UBE4B: variants seen among roughly 807,000 people sequenced by gnomAD.
UBE4B encodes the protein ubiquitin conjugation factor E4 B.
A neutral mutation model predicts 148.1 loss-of-function variants in UBE4B; 27 were observed. The observed-to-expected ratio is 0.18, with a 90% confidence interval of 0.13 to 0.25. The LOEUF (loss-of-function observed/expected upper bound fraction) is 0.25, where lower values mean the gene tolerates loss of function less well. Ranked by LOEUF, UBE4B falls within the 10% of genes least tolerant of loss-of-function variation. The probability of loss-of-function intolerance (pLI) is 1.00; values close to 1 mark genes in which losing one functional copy is unlikely to be tolerated. For missense variants in UBE4B, 1,170 were observed against 1,662.4 expected, an observed-to-expected ratio of 0.70 and a Z score of 5.15; for synonymous variants, 596 against 619.3, an observed-to-expected ratio of 0.96 and a Z score of 0.56.
At chr1:10,104,431 G>C (rs1024007621) in intron 5 of UBE4B, among the ~76,000 whole-genome samples, 2 of 152,002 alleles carry the variant, frequency 1.3e-5, no homozygotes, top group Admixed American at 1.3e-4. Flanking sequence ...ATTTTTGTCT[G>C]TTTTACTCAT....
chr1:10,041,523 T>TG (rs1302917525), intron 1 of UBE4B, among the ~76,000 whole-genome samples: 1 of 151,502 alleles, frequency 6.6e-6, no homozygotes, highest in Non-Finnish European at 1.5e-5. Flanking sequence ...TTAGTAGAGA[T>TG]GGGGTTTCTC....
chr1:10,168,334 A>C lies in UBE4B; in HGVS notation c.3333+64A>C. 6.4e-7 allele frequency: 1 copy of C among 1,573,432 alleles called. No individual in the cohort carries two copies. The highest frequency in any genetic ancestry group is 8.6e-7 in the Non-Finnish European group (1 of 1,159,386). On this transcript the variant is annotated intron_variant, in intron 24 of 27. Coordinates refer to ENST00000343090, the MANE Select transcript of UBE4B (RefSeq NM_001105562.3). This position sits in a 1 kb window ranked among gnomAD's most constrained non-coding sequence, Gnocchi z 4.9. ...TCCACATTCAGACTCTCTCACTTAT[A>C]ACTTTAGCAGTTGTTGAAGTTCTGG... is the stretch of plus-strand genomic sequence containing the variant.
chr1:10,178,284 A>T (rs547314305), intron 25 of UBE4B, among the ~76,000 whole-genome samples: 2 of 152,122 alleles, frequency 1.3e-5, no homozygotes, highest in South Asian at 4.1e-4. Context: ...ACTGAAATAG[A>T]CTAGATTTCC....
intron 8 of UBE4B, 58 bp from the exon 9 acceptor site, chr1:10,119,455 C>A: frequency 1.2e-5 from 18 of 1,552,344 alleles, no homozygotes; most frequent in Non-Finnish European, 1.6e-5. Context: ...TTATTTTTAA[C>A]AGCATGGAAT....
rs1336664680 is a variant in UBE4B, at chr1:10,149,259, A to C, written c.2667A>C (p.Ala889=). ...ALPEFYVEDV[A]EFLFFIVQYS... ...CTGAGTTTTATGTAGAAGATGTTGC[A>C]GAATTTTTATTTTTTATTGTACAGT... The change falls in exon 20 of 28, where the codon GCA becomes GCC. Residue 889 remains alanine (A), a synonymous_variant. Transcript: ENST00000343090. 6.2e-7 allele frequency: 1 copy of C among 1,608,764 alleles called. No individual in the cohort carries two copies. The highest frequency in any genetic ancestry group is 1.7e-5 in the Admixed American group (1 of 58,696).
intron 4 of UBE4B, among the ~76,000 whole-genome samples, chr1:10,101,657 C>T (rs543829870): frequency 1.1e-3 from 166 of 151,850 alleles, no homozygotes; most frequent in Admixed American, 1.8e-3. Flanking sequence ...TACAGGCGCC[C>T]GCCACCACGC....
At chr1:10,051,213 G>A (rs1644037318) in intron 1 of UBE4B, among the ~76,000 whole-genome samples, 1 of 152,070 alleles carries the variant, frequency 6.6e-6, no homozygotes, top group Non-Finnish European at 1.5e-5. Flanking sequence ...ATGATTCTGG[G>A]GAAAGTACTT....
chr1:10,179,788 A>C lies in UBE4B; in HGVS notation c.3848-107A>C. The C allele has an allele frequency of 2.7e-6, 4 of 1,465,864 alleles. No individual in the cohort carries two copies. In the South Asian group the frequency reaches 4.8e-5, roughly 17 times the overall value. 90.8% of individuals were successfully genotyped at this position (1,465,864 alleles called of 1,614,324 possible). A position where few individuals can be genotyped will look rare whatever the true frequency, so the allele number is the denominator to read the frequency against. The stretch of plus-strand genomic sequence containing the variant: ...TCCTTCTGGAGTCTTCGGCTCAATG[A>C]GGGAAAGAATGGCCTTTTCTTCCCA... On this transcript the variant is annotated intron_variant, in intron 27 of 27. Transcript: ENST00000343090.
rs1478298433 is a variant in UBE4B, at chr1:10,033,584, AG to A, written c.-86del. ...CATTCGGGGGACCAGACAGCCTGAT[AG>A]ACACCTTCCACTCTCCTTCCTCCCG... On this transcript the variant is annotated 5_prime_UTR_variant, in exon 1 of 28. Coordinates refer to ENST00000343090, the MANE Select transcript of UBE4B (RefSeq NM_001105562.3). 7.1e-7 allele frequency: 1 copy of A among 1,414,718 alleles called. No individual in the cohort carries two copies. Among genetic ancestry groups the A allele is most frequent in the Non-Finnish European group, 9.3e-7 (1 of 1,069,930 alleles). The allele number at this position is 1,414,718 out of a possible 1,614,324, so 87.6% of individuals were successfully genotyped here.
rs377236741 is a variant in UBE4B at position 10,098,166 on chromosome 1, TAA to T, written c.347+2571_347+2572del. ...GATTACAGGCGTCTTATATTTCAAT[TAA>T]GTTTGCTTTAAAATAATACAATATA... On this transcript the variant is annotated intron_variant, in intron 3 of 27. Transcript: ENST00000343090. 2.8e-4 allele frequency among the ~76,000 whole-genome samples: 43 copies of T among 152,256 alleles called. No individual in the cohort carries two copies. In the East Asian group the frequency reaches 6.6e-3, roughly 23 times the overall value.
At chr1:10,136,482 TAA>T (rs35569014) in intron 16 of UBE4B, among the ~76,000 whole-genome samples, 110 of 123,784 alleles carry the variant, frequency 8.9e-4, no homozygotes, top group African/African-American at 1.9e-3. Flanking sequence ...AAGACCCTCT[TAA>T]AAAAAAAAAA....
Position 10,132,450 on chromosome 1 carries a change from G to A in UBE4B, c.1993G>A (p.Val665Ile), listed in dbSNP as rs140051271. 30 of 1,614,022 alleles carry A rather than the reference G, an allele frequency of 1.9e-5. No homozygotes were observed. Among genetic ancestry groups the A allele is most frequent in the African/African-American group, 9.3e-5 (7 of 74,932 alleles). Reference protein sequence around the residue: ...EAALSYMAAVVNANMKKAQMQ... With the variant: ...EAALSYMAAVINANMKKAQMQ... ...TGCTCTCAGTTACATGGCGGCTGTC[G>A]TCAATGCCAATATGAAGAAAGCACA... is the stretch of plus-strand genomic sequence containing the variant. Residue 665 changes from valine to isoleucine, a missense_variant, in exon 15 of 28, where the codon GTC (valine) becomes ATC (isoleucine). Around this residue, in one of 6 missense-constraint regions of UBE4B, gnomAD observed 388 missense variants for 536.0 expected, o/e 0.72. Transcript: ENST00000343090.
rs1444535204 is a variant in UBE4B at position 10,180,804 on chromosome 1, T to A, written c.*848T>A. The A allele has an allele frequency of 6.6e-6, 1 of 152,408 alleles. No homozygotes were observed. Among genetic ancestry groups the A allele is most frequent in the Non-Finnish European group, 1.5e-5 (1 of 68,000 alleles). 9.4% of individuals were successfully genotyped at this position (152,408 alleles called of 1,614,324 possible). On this transcript the variant is annotated 3_prime_UTR_variant, in exon 28 of 28. Transcript: ENST00000343090. ...ATTTTGGGGAGATGAGGGTTGGGTT[T>A]TTTTTTTAATGCTACGTGACAGTTT... is the stretch of plus-strand genomic sequence containing the variant.
In UBE4B at chr1:10,151,378, C is replaced by A. The variant is rs771630942; in HGVS notation, c.2743C>A (p.Leu915Ile). The change falls in exon 21 of 28, where the codon CTT becomes ATT. Residue 915 changes from leucine to isoleucine, a missense_variant. Around this residue, in one of 6 missense-constraint regions of UBE4B, gnomAD observed 348 missense variants for 627.2 expected, o/e 0.55. Coordinates refer to ENST00000343090, the MANE Select transcript of UBE4B (RefSeq NM_001105562.3). The part of the protein sequence containing the change: ...EPCTQDIVMF[L>I]VVMLCNQNYI... ...CTGTACTCAGGATATTGTGATGTTC[C>A]TTGTTGTGATGTTGTGCAACCAGAA... 1.9e-6 allele frequency: 3 copies of A among 1,614,082 alleles called. No homozygotes were observed. The highest frequency in any genetic ancestry group is 2.5e-6 in the Non-Finnish European group (3 of 1,180,008).
chr1:10,115,014 GCTT>G (rs1261193228), intron 7 of UBE4B, among the ~76,000 whole-genome samples: 1 of 152,110 alleles, frequency 6.6e-6, no homozygotes, highest in African/African-American at 2.4e-5. Context: ...TCCTTTGACT[GCTT>G]CTCAGCCTCA....
intron 10 of UBE4B, among the ~76,000 whole-genome samples, 183 bp from the exon 11 acceptor site, chr1:10,126,611 T>C (rs1645503017): frequency 6.6e-6 from 1 of 152,232 alleles, no homozygotes. Flanking sequence ...TATTACTTTA[T>C]GGTTAGACTT....
chr1:10,138,639 T>C (rs1197012022), intron 17 of UBE4B, among the ~76,000 whole-genome samples: 1 of 152,230 alleles, frequency 6.6e-6, no homozygotes, highest in Admixed American at 6.5e-5. Flanking sequence ...TCTTTTACTT[T>C]TTTTTTCATG....
intron 18 of UBE4B, 109 bp downstream of exon 18, chr1:10,145,148 A>G (rs1159513774): frequency 2.6e-6 from 2 of 760,044 alleles, no homozygotes; most frequent in African/African-American, 3.5e-5. Context: ...TTTCTTTGTT[A>G]TTCTTTTCCC....
chr1:10,095,394 T>C, intron 2 of UBE4B, 67 bp from the exon 3 acceptor site: 1 of 1,588,516 alleles, frequency 6.3e-7, no homozygotes, highest in South Asian at 1.1e-5. Flanking sequence ...GTGTTTACTG[T>C]CGCTATTACA....
Sources: allele counts gnomAD v4.1 joint callset (sites outside exome capture counted in the v4.1 genomes callset), GRCh38; gene constraint gnomAD v4.1.1; regional missense constraint gnomAD v4.1.1; non-coding constraint Gnocchi (gnomAD v3.1); transcripts MANE v1.5; gene names NCBI Gene and HGNC (gene_info 2026-07-23, HGNC 2026-07-21).